Variants in EGFLAM observed in about 807,000 individuals in gnomAD.
EGFLAM encodes the protein EGF like, fibronectin type III and laminin G domains.
A neutral mutation model predicts 113.1 loss-of-function variants in EGFLAM; 79 were observed. The observed-to-expected ratio is 0.70, with a 90% CI of 0.58 to 0.84. EGFLAM has a LOEUF of 0.84. EGFLAM is among the 40% of genes least tolerant of loss of function. EGFLAM has a pLI of 0.00. For missense variants in EGFLAM, 1,265 were observed against 1,291.6 expected (o/e 0.98, Z 0.32); for synonymous variants, 504 against 487.6 (o/e 1.03, Z -0.44).
chr5:38,300,667 G>T (rs930694411), intron 1 of EGFLAM, among the ~76,000 whole-genome samples: 1 of 152,082 alleles, frequency 6.6e-6, no homozygotes, highest in Non-Finnish European at 1.5e-5. Context: ...GAGCCATCGC[G>T]CCCGGCCATA....
chr5:38,288,567 A>G (rs1293503686), intron 1 of EGFLAM, among the ~76,000 whole-genome samples: 1 of 152,142 alleles, frequency 6.6e-6, no homozygotes, highest in Non-Finnish European at 1.5e-5. Flanking sequence ...TTGAGAGTGG[A>G]GTTTTGAGCT....
intron 17 of EGFLAM, among the ~76,000 whole-genome samples, chr5:38,444,998 C>T (rs2112245225): frequency 6.6e-6 from 1 of 152,240 alleles, no homozygotes; most frequent in East Asian, 1.9e-4. Flanking sequence ...TACAAAGAGC[C>T]AGAAAGGGCT....
At chr5:38,338,177 G>A (rs1194593162) in intron 2 of EGFLAM, among the ~76,000 whole-genome samples, 1 of 152,042 alleles carries the variant, frequency 6.6e-6, no homozygotes, top group Non-Finnish European at 1.5e-5. Context: ...GCACTCTCTG[G>A]GATATGGGGA....
intron 7 of EGFLAM, among the ~76,000 whole-genome samples, 181 bp from the exon 8 acceptor site, chr5:38,406,647 A>G (rs371636247): frequency 2.0e-5 from 3 of 152,312 alleles, no homozygotes; most frequent in South Asian, 2.1e-4. Flanking sequence ...GAAAAGCACT[A>G]TAAGTCCCTG....
At chr5:38,440,204 T>C (rs1742488614) in intron 17 of EGFLAM, among the ~76,000 whole-genome samples, 1 of 152,198 alleles carries the variant, frequency 6.6e-6, no homozygotes, top group Admixed American at 6.5e-5. Context: ...CAAAGCAGTC[T>C]AGAACCAAGA....
chr5:38,271,838 A>C (rs1274277495), intron 1 of EGFLAM, among the ~76,000 whole-genome samples: 1 of 152,192 alleles, frequency 6.6e-6, no homozygotes, highest in Non-Finnish European at 1.5e-5. Flanking sequence ...TATCCCCTGC[A>C]TTGCCTAATG....
intron 6 of EGFLAM, among the ~76,000 whole-genome samples, chr5:38,372,380 C>T (rs887600149): frequency 6.6e-6 from 1 of 152,012 alleles, no homozygotes; most frequent in African/African-American, 2.4e-5. Context: ...AGGATGGTCT[C>T]GAACTCCTGA....
At chr5:38,385,287 C>A (rs1054903430) in intron 6 of EGFLAM, among the ~76,000 whole-genome samples, 3 of 112,622 alleles carry the variant, frequency 2.7e-5, no homozygotes, top group Non-Finnish European at 3.8e-5. Context: ...CACCCCCCCC[C>A]CCCGCCCCCG....
intron 6 of EGFLAM, chr5:38,403,884 G>T: frequency 6.2e-7 from 1 of 1,613,918 alleles, no homozygotes; most frequent in East Asian, 2.2e-5. Context: ...GAGAGAACAT[G>T]CATCCAGGTA....
At chr5:38,368,139 G>A (rs935722613) in intron 5 of EGFLAM, among the ~76,000 whole-genome samples, 1 of 152,206 alleles carries the variant, frequency 6.6e-6, no homozygotes, top group Non-Finnish European at 1.5e-5. Context: ...CTTAGCAAAC[G>A]ATAGCAGAGA....
intron 1 of EGFLAM, among the ~76,000 whole-genome samples, chr5:38,325,065 G>A (rs1561278631): frequency 6.6e-6 from 1 of 152,166 alleles, no homozygotes; most frequent in East Asian, 1.9e-4. Context: ...TGAAGGGAAG[G>A]GCTGGGCTGG....
At chr5:38,380,807 T>C (rs1037395641) in intron 6 of EGFLAM, among the ~76,000 whole-genome samples, 1 of 152,210 alleles carries the variant, frequency 6.6e-6, no homozygotes, top group Non-Finnish European at 1.5e-5. Context: ...ACCTATTAAT[T>C]GCTCTTCTGA....
At chr5:38,398,753 C>T (rs1741026275) in intron 6 of EGFLAM, among the ~76,000 whole-genome samples, 2 of 152,224 alleles carry the variant, frequency 1.3e-5, no homozygotes, top group Non-Finnish European at 2.9e-5. Context: ...TTTGAAGGGA[C>T]TCAAGTCACA....
chr5:38,420,730 A>G (rs571560490), intron 12 of EGFLAM, among the ~76,000 whole-genome samples: 6 of 152,188 alleles, frequency 3.9e-5, no homozygotes, highest in Non-Finnish European at 7.3e-5. Context: ...CTGAAATGGC[A>G]TGGCAACCTC....
chr5:38,436,311 C>A (rs962922775), intron 16 of EGFLAM, among the ~76,000 whole-genome samples: 1 of 152,116 alleles, frequency 6.6e-6, no homozygotes, highest in Admixed American at 6.5e-5. Flanking sequence ...CTTTAGTGAC[C>A]AATGGTGGCT....
chr5:38,418,662 T>A lies in EGFLAM; in HGVS notation c.1684+407T>A, dbSNP rs559814211. Among the ~76,000 whole-genome samples the A allele has an allele frequency of 5.9e-5, 9 of 152,340 alleles. No homozygotes were observed. The South Asian group carries it at 1.9e-3, about 32-fold the overall frequency. On this transcript the variant is annotated intron_variant, in intron 12 of 21. Coordinates refer to ENST00000322350, the MANE Select transcript of EGFLAM (RefSeq NM_152403.4). ...CACTCTCTGTTTCTTAAAGAAGTGG[T>A]CACATTCTAATTTGTGATCGCTGTG...
At chr5:38,408,887 G>A (rs1469459585) in intron 9 of EGFLAM, 117 bp from the exon 10 acceptor site, 1 of 856,974 alleles carries the variant, frequency 1.2e-6, no homozygotes, top group African/African-American at 1.7e-5. Flanking sequence ...TTGACCCTTT[G>A]TAGATAGGAT....
At chr5:38,421,950 A>C (rs145538446) in intron 12 of EGFLAM, among the ~76,000 whole-genome samples, 160 of 152,252 alleles carry the variant, frequency 1.1e-3, no homozygotes, top group African/African-American at 3.8e-3. Context: ...GGATACATGT[A>C]GACCAGCTGA....
chr5:38,339,535 T>C (rs539442492), intron 3 of EGFLAM, among the ~76,000 whole-genome samples: 51 of 152,366 alleles, frequency 3.3e-4, no homozygotes, highest in African/African-American at 1.2e-3. Context: ...TTGTCATCCA[T>C]GATAAGGAAC....
Sources: allele counts gnomAD v4.1 joint callset (sites outside exome capture counted in the v4.1 genomes callset), GRCh38; gene constraint gnomAD v4.1.1; transcripts MANE v1.5; gene names NCBI Gene and HGNC (gene_info 2026-07-23, HGNC 2026-07-21).